Variants in ABCC8 observed in about 807,000 individuals in gnomAD.
ABCC8 encodes the protein ATP-binding cassette sub-family C member 8.
In ABCC8, 137 loss-of-function variants were observed where a neutral mutation model predicts 188.0. That is an observed-to-expected ratio of 0.73 (90% CI 0.63 to 0.84). The LOEUF is 0.84. Among genes scored for constraint, ABCC8 ranks in the 40% least tolerant of loss-of-function variants. ABCC8 has a pLI of 0.00. For missense variants in ABCC8, 1,750 were observed against 2,072.7 expected (o/e 0.84, Z 3.02); for synonymous variants, 797 against 846.5 (o/e 0.94, Z 1.01).
At chr11:17,422,028 C>T (rs897853223) in intron 16 of ABCC8, among the ~76,000 whole-genome samples, 4 of 152,214 alleles carry the variant, frequency 2.6e-5, no homozygotes, top group Admixed American at 2.6e-4. Flanking sequence ...CTTGGGAATG[C>T]TTGCCAGGTC....
chr11:17,404,009 C>T lies in ABCC8; in HGVS notation c.3557+503G>A, dbSNP rs749385284. Among the ~76,000 whole-genome samples the T allele has an allele frequency of 1.2e-3, 182 of 152,276 alleles. No homozygotes were observed. The highest frequency in any genetic ancestry group is 8.2e-4 in the Non-Finnish European group (56 of 68,022). ...AAATTTTGAGGAGGAAAGAGGCGTG[C>T]ATGGATCCAAAGCTCATGAGGGCAA... On this transcript the variant is annotated intron_variant, in intron 28 of 38. Coordinates refer to ENST00000389817, the MANE Select transcript of ABCC8 (RefSeq NM_000352.6). This position sits in a 1 kb window ranked among gnomAD's most constrained non-coding sequence, Gnocchi z 4.7.
chr11:17,428,497 A>G, intron 13 of ABCC8, 68 bp downstream of exon 13: 1 of 1,605,210 alleles, frequency 6.2e-7, no homozygotes, highest in East Asian at 2.2e-5. Context: ...GAAGTCCGAC[A>G]CAGCAGGCCC....
rs570783020 is a variant in ABCC8, at chr11:17,449,479, C to T, written c.1177-808G>A. Among the ~76,000 whole-genome samples the T allele has an allele frequency of 3.5e-4, 53 of 152,330 alleles. 2 individuals carry two copies. In the South Asian group the frequency reaches 0.01, roughly 29 times the overall value. On this transcript the variant is annotated intron_variant, in intron 7 of 38. Coordinates refer to ENST00000389817, the MANE Select transcript of ABCC8 (RefSeq NM_000352.6). ...CACGACCGCGTGAGTCAGTCAGCCC[C>T]AGCACCATCCCCAGAGTGCAGCCAC...
intron 4 of ABCC8, 112 bp downstream of exon 4, chr11:17,463,326 G>T: frequency 2.1e-6 from 2 of 946,536 alleles, no homozygotes; most frequent in African/African-American, 1.6e-5. Flanking sequence ...GGTAAAACAA[G>T]CTGATCCCTT....
intron 5 of ABCC8, chr11:17,461,058 C>T (rs1957170886): frequency 2.8e-6 from 1 of 358,364 alleles, no homozygotes. Context: ...GAGCACTGGA[C>T]TGGGAGCCAG....
intron 21 of ABCC8, among the ~76,000 whole-genome samples, chr11:17,412,422 C>T (rs1954856709): frequency 6.6e-6 from 1 of 152,196 alleles, no homozygotes; most frequent in Non-Finnish European, 1.5e-5. Flanking sequence ...CCTATAACTA[C>T]AGCTTGCCTC....
intron 6 of ABCC8, among the ~76,000 whole-genome samples, chr11:17,458,627 A>C (rs543331812): frequency 7.2e-5 from 11 of 152,334 alleles, no homozygotes; most frequent in African/African-American, 2.2e-4. Flanking sequence ...TCCTGTAGAC[A>C]AGAGAAGCAG....
chr11:17,433,261 C>G (rs986268578), intron 10 of ABCC8, among the ~76,000 whole-genome samples: 1 of 152,226 alleles, frequency 6.6e-6, no homozygotes, highest in South Asian at 2.1e-4. Flanking sequence ...ATTCAAGGAT[C>G]CCCTTCCAGG....
In ABCC8 at chr11:17,475,026, T is replaced by A; in HGVS notation, c.150A>T (p.Gly50=). Residue 50 remains glycine (G), a splice_region_variant and synonymous_variant, in exon 2 of 39, where the codon GGA becomes GGT. Transcript: ENST00000389817. ...LFITFPILFI[G]WGSQSSKVHI... ...GCACCTTGGAGCTCTGACTTCCCCA[T>A]CCTGCAGGGAGAGACAGTCAGAGGC... The A allele has an allele frequency of 6.2e-7, 1 of 1,614,084 alleles. No individual in the cohort carries two copies. The highest frequency in any genetic ancestry group is 8.5e-7 in the Non-Finnish European group (1 of 1,179,988).
At chr11:17,435,601 T>C in intron 10 of ABCC8, 3 of 1,388,152 alleles carry the variant, frequency 2.2e-6, no homozygotes, top group Admixed American at 1.7e-5. Flanking sequence ...AGGCTGGAGA[T>C]AAAAGTGAGA....
Position 17,394,323 on chromosome 11 carries a change from C to T in ABCC8, c.4488G>A (p.Val1496=), listed in dbSNP as rs2133394964. 2.5e-6 allele frequency: 4 copies of T among 1,614,070 alleles called. No homozygotes were observed. The highest frequency in any genetic ancestry group is 1.1e-5 in the South Asian group (1 of 91,088). Residue 1496 remains valine, a synonymous_variant, in exon 37 of 39, where the codon GTG becomes GTA. Coordinates refer to ENST00000389817, the MANE Select transcript of ABCC8 (RefSeq NM_000352.6). ...CCATGATGAAGATGCTGGTCTTCCT[C>T]ACGAAGGCCCGGGCCAGGCAGAACA... ...RQLFCLARAF[V]RKTSIFIMDE... is the part of the protein sequence containing the mutation.
intron 3 of ABCC8, among the ~76,000 whole-genome samples, chr11:17,469,068 C>CCCTT (rs772219077): frequency 0.021 from 2,802 of 131,354 alleles, 42 homozygotes; most frequent in Middle Eastern, 0.045. Flanking sequence ...CTCCCTCCCT[C>CCCTT]CCTTCCCTCC....
At chr11:17,412,860 T>C (rs2133471155) in intron 20 of ABCC8, 114 bp from the exon 21 acceptor site, 1 of 1,539,280 alleles carries the variant, frequency 6.5e-7, no homozygotes, top group Admixed American at 2.0e-5. Context: ...TCCACTTCTT[T>C]GCCTGCTTCT....
chr11:17,406,984 C>G lies in ABCC8; in HGVS notation c.3066G>C (p.Lys1022Asn). Residue 1022 changes from lysine to asparagine, a missense_variant, in exon 25 of 39, where the codon AAG becomes AAC. By Grantham distance (94) the Lys-to-Asn change is moderately conservative. Transcript: ENST00000389817. Reference protein sequence around the residue: ...LSLLVFSQLLKHMVLVAIDYW... With the variant: ...LSLLVFSQLLNHMVLVAIDYW... Reference sequence around the variant, plus strand: ...AGTCGATGGCCACCAGGACCATGTGCTTGAGCAGCTGTGAGAAGACCAGCA... The same window carrying G: ...AGTCGATGGCCACCAGGACCATGTGGTTGAGCAGCTGTGAGAAGACCAGCA... 1 of 1,614,222 alleles carries G rather than the reference C, an allele frequency of 6.2e-7. No individual in the cohort carries two copies. Among genetic ancestry groups the G allele is most frequent in the Non-Finnish European group, 8.5e-7 (1 of 1,180,046 alleles).
At chr11:17,455,177 A>G (rs370457089) in intron 6 of ABCC8, among the ~76,000 whole-genome samples, 1 of 152,198 alleles carries the variant, frequency 6.6e-6, no homozygotes, top group Non-Finnish European at 1.5e-5. Flanking sequence ...TAAATTTCCA[A>G]CCACAGGGAA....
At chr11:17,409,291 C>A (rs2133455976) in intron 22 of ABCC8, among the ~76,000 whole-genome samples, 1 of 152,262 alleles carries the variant, frequency 6.6e-6, no homozygotes, top group South Asian at 2.1e-4. Context: ...CTTGATGACA[C>A]CATCACGTAG....
Position 17,427,172 on chromosome 11 carries a change from G to T in ABCC8, c.2117-18C>A, listed in dbSNP as rs527619296. ...CAGCTGGCCTGCAGGGAGGGAGGGT[G>T]GCAGATGTGAGTGGGGCCGGGGGAG... On this transcript the variant is annotated intron_variant, in intron 15 of 38. Transcript: ENST00000389817. The surrounding 1 kb of genome is among the most constrained non-coding windows in gnomAD (Gnocchi z 5.0). 140 of 1,607,448 alleles carry T rather than the reference G, an allele frequency of 8.7e-5. No homozygotes were observed. In the South Asian group the frequency reaches 1.5e-3, roughly 17 times the overall value.
Position 17,476,794 on chromosome 11 carries a change from C to T in ABCC8, c.-18G>A. On this transcript the variant is annotated 5_prime_UTR_variant, in exon 1 of 39. Coordinates refer to ENST00000389817, the MANE Select transcript of ABCC8 (RefSeq NM_000352.6). Reference sequence around the variant, plus strand: ...AGGGGCATGGCGGCGCGGGCGCGGGCTGGGCTCGGGCTCAGCTGGCTCCGC... The same window carrying T: ...AGGGGCATGGCGGCGCGGGCGCGGGTTGGGCTCGGGCTCAGCTGGCTCCGC... 6.5e-7 allele frequency: 1 copy of T among 1,536,442 alleles called. No homozygotes were observed. Among genetic ancestry groups the T allele is most frequent in the Non-Finnish European group, 8.8e-7 (1 of 1,141,492 alleles).
chr11:17,458,664 G>C (rs1458895944), intron 6 of ABCC8, among the ~76,000 whole-genome samples: 2 of 152,198 alleles, frequency 1.3e-5, no homozygotes, highest in South Asian at 2.1e-4. Flanking sequence ...TTATGGGCCA[G>C]GTAAAGTAGA....
Sources: gnomAD v4.1 joint callset for allele counts (sites outside exome capture counted in the v4.1 genomes callset) on GRCh38, gnomAD v4.1.1 for gene constraint, Gnocchi (gnomAD v3.1) non-coding constraint, MANE v1.5 for transcripts, NCBI Gene and HGNC (gene_info 2026-07-23, HGNC 2026-07-21) for gene names.